Variants in ROBO2 observed in about 807,000 individuals in gnomAD.
ROBO2 encodes the protein roundabout guidance receptor 2.
A neutral mutation model predicts 160.8 loss-of-function variants in ROBO2; 53 were observed. That is an observed-to-expected ratio of 0.33 (90% confidence interval 0.26 to 0.41). The LOEUF is 0.41. ROBO2 is among the 10% of genes least tolerant of loss of function. The pLI is 1.00. For missense variants in ROBO2, 1,577 were observed against 1,722.4 expected, an observed-to-expected ratio of 0.92 and a Z score of 1.49; for synonymous variants, 664 against 611.7, an observed-to-expected ratio of 1.09 and a Z score of -1.26.
At chr3:76,283,717 T>G (rs542050946) in intron 2 of ROBO2, among the ~76,000 whole-genome samples, 13 of 152,146 alleles carry the variant, frequency 8.5e-5, no homozygotes, top group African/African-American at 3.1e-4. Context: ...TGAAGAATGC[T>G]GAGATGTACT....
At chr3:76,361,983 T>C (rs1398986156) in intron 2 of ROBO2, among the ~76,000 whole-genome samples, 1 of 152,132 alleles carries the variant, frequency 6.6e-6, no homozygotes, top group Admixed American at 6.6e-5. Context: ...ATAAACATTA[T>C]CTTTTAAAGT....
At chr3:76,578,893 C>T (rs765456769) in intron 2 of ROBO2, among the ~76,000 whole-genome samples, 6 of 152,156 alleles carry the variant, frequency 3.9e-5, no homozygotes, top group Non-Finnish European at 7.3e-5. Flanking sequence ...CAGCCTTCTT[C>T]GTTTTACTAA....
At position 77,053,672 on chromosome 3, in the gene ROBO2, C is replaced by T. The variant is rs1397930020; in HGVS notation, c.61+12826C>T. Among the ~76,000 whole-genome samples, 4 of 152,076 alleles carry T rather than the reference C, an allele frequency of 2.6e-5. No individual in the cohort carries two copies. The East Asian group carries it at 7.7e-4, about 29-fold the overall frequency. ...ACATTGGAATACCATCAGAACCTCC[C>T]CTCCCTGTCCCTGAAATCACATATA... is the stretch of plus-strand genomic sequence containing the variant. On this transcript the variant is annotated intron_variant, in intron 1 of 25. Transcript: ENST00000461745.
intron 2 of ROBO2, among the ~76,000 whole-genome samples, chr3:76,271,722 T>G (rs1254207280): frequency 6.6e-6 from 1 of 151,874 alleles, no homozygotes; most frequent in African/African-American, 2.4e-5. Flanking sequence ...TCTGGCTCTT[T>G]TTCTCTTTGT....
intron 2 of ROBO2, among the ~76,000 whole-genome samples, chr3:77,427,669 G>A (rs1046260380): frequency 6.6e-6 from 1 of 152,130 alleles, no homozygotes; most frequent in Non-Finnish European, 1.5e-5. Context: ...ACAGCAAGTC[G>A]TTAATTCATA....
At chr3:76,623,149 G>A (rs1461484070) in intron 2 of ROBO2, among the ~76,000 whole-genome samples, 2 of 152,032 alleles carry the variant, frequency 1.3e-5, no homozygotes, top group African/African-American at 2.4e-5. Context: ...AAAACTTTAG[G>A]CTTAAATACT....
At position 76,208,390 on chromosome 3, in the gene ROBO2, C is replaced by T. The variant is rs138440372; in HGVS notation, c.109+270788C>T. On this transcript the variant is annotated intron_variant, in intron 2 of 26. Transcript: ENST00000487694. The stretch of plus-strand genomic sequence containing the variant: ...GTGAAATATAATACTTTTTCAAATA[C>T]ATATTTATATGCTTGAGTAACTTAT... Among the ~76,000 whole-genome samples, 346 of 152,200 alleles carry T rather than the reference C, an allele frequency of 2.3e-3. 1 individual carries two copies. Among genetic ancestry groups the T allele is most frequent in the African/African-American group, 8.1e-3 (336 of 41,526 alleles).
intron 24 of ROBO2, among the ~76,000 whole-genome samples, chr3:77,640,096 CATTTTTTTTTTTTT>C (rs2095325597): frequency 1.0e-5 from 1 of 97,480 alleles, no homozygotes; most frequent in African/African-American, 4.2e-5. Context: ...GCAGAGGAAG[CATTTTTTTTTTTTT>C]TTTTTTTTTT....
chr3:76,740,776 T>A (rs2108030090), intron 2 of ROBO2, among the ~76,000 whole-genome samples: 1 of 152,242 alleles, frequency 6.6e-6, no homozygotes, highest in African/African-American at 2.4e-5. Context: ...TTACTGTAAA[T>A]GATATGAGAT....
intron 2 of ROBO2, among the ~76,000 whole-genome samples, chr3:76,560,931 AAGATATATATAT>A (rs1474687940): frequency 8.8e-5 from 6 of 68,388 alleles, no homozygotes; most frequent in Non-Finnish European, 1.6e-4. Context: ...TATAAGAAGT[AAGATATATATAT>A]ATATATATAT....
At chr3:77,373,231 T>G (rs1267179816) in intron 2 of ROBO2, among the ~76,000 whole-genome samples, 1 of 149,192 alleles carries the variant, frequency 6.7e-6, no homozygotes, top group Non-Finnish European at 1.5e-5. Context: ...TACAATAAAA[T>G]AAAGCAAGAC....
intron 2 of ROBO2, among the ~76,000 whole-genome samples, chr3:76,168,434 G>T (rs947550981): frequency 6.6e-6 from 1 of 151,674 alleles, no homozygotes; most frequent in African/African-American, 2.4e-5. Context: ...CTTTTTCTTC[G>T]TTTATTCTCT....
intron 1 of ROBO2, among the ~76,000 whole-genome samples, chr3:77,067,792 G>A (rs1006613231): frequency 1.3e-5 from 2 of 152,058 alleles, no homozygotes; most frequent in African/African-American, 4.8e-5. Context: ...TAAAATAAGA[G>A]GCATCAGAGG....
intron 2 of ROBO2, among the ~76,000 whole-genome samples, chr3:76,011,324 G>T (rs2066187505): frequency 6.6e-6 from 1 of 152,218 alleles, no homozygotes; most frequent in Admixed American, 6.5e-5. Flanking sequence ...TGATTCAGGT[G>T]GACTGAGACC....
At chr3:77,164,572 C>T (rs113492741) in intron 2 of ROBO2, among the ~76,000 whole-genome samples, 95 of 88,378 alleles carry the variant, frequency 1.1e-3, no homozygotes, top group Admixed American at 1.7e-3. Flanking sequence ...CCGCCCCGTC[C>T]GGGAGGTGAG....
At chr3:76,664,690 G>C (rs2091956693) in intron 2 of ROBO2, among the ~76,000 whole-genome samples, 1 of 152,190 alleles carries the variant, frequency 6.6e-6, no homozygotes, top group Non-Finnish European at 1.5e-5. Context: ...TGAAGAATGA[G>C]TCTTATTTTT....
chr3:76,643,073 C>T (rs2090782536), intron 2 of ROBO2, among the ~76,000 whole-genome samples: 1 of 152,128 alleles, frequency 6.6e-6, no homozygotes, highest in Non-Finnish European at 1.5e-5. Context: ...TTAGGTCTTT[C>T]TGTATTAAAA....
chr3:76,160,587 T>C (rs1216491945), intron 2 of ROBO2, among the ~76,000 whole-genome samples: 2 of 152,186 alleles, frequency 1.3e-5, no homozygotes, highest in Admixed American at 6.6e-5. Context: ...ATTTGTAAAC[T>C]GCTGATTTCT....
chr3:77,243,248 T>G, intron 2 of ROBO2, among the ~76,000 whole-genome samples: 1 of 152,162 alleles, frequency 6.6e-6, no homozygotes, highest in Admixed American at 6.5e-5. Context: ...TTGCTTCTTG[T>G]GTAAGAATCA....
Sources: gnomAD v4.1 joint callset for allele counts (sites outside exome capture counted in the v4.1 genomes callset) on GRCh38, gnomAD v4.1.1 for gene constraint, MANE v1.5 for transcripts, NCBI Gene and HGNC (gene_info 2026-07-23, HGNC 2026-07-21) for gene names.